Variants in CNGB3 observed in about 807,000 individuals in gnomAD.
CNGB3 encodes cyclic nucleotide-gated channel beta-3.
A neutral mutation model predicts 92.8 loss-of-function variants in CNGB3; 86 were observed. That is an observed-to-expected ratio of 0.93 (90% confidence interval 0.78 to 1.11). CNGB3 has a LOEUF of 1.11. CNGB3 is among the 50% of genes least tolerant of loss of function. CNGB3 has a pLI of 0.00. For missense variants in CNGB3, 1,026 were observed against 956.8 expected, an observed-to-expected ratio of 1.07 and a Z score of -0.95; for synonymous variants, 333 against 332.7, an observed-to-expected ratio of 1.00 and a Z score of -0.01.
chr8:86,712,007 G>C (rs1467047637), intron 3 of CNGB3, among the ~76,000 whole-genome samples: 4 of 151,712 alleles, frequency 2.6e-5, no homozygotes, highest in Non-Finnish European at 5.9e-5. Flanking sequence ...CTGATATATT[G>C]GTTACTTTAG....
intron 6 of CNGB3, among the ~76,000 whole-genome samples, chr8:86,664,245 CAAT>C (rs1362117116): frequency 2.0e-5 from 3 of 152,082 alleles, no homozygotes; most frequent in Non-Finnish European, 1.5e-5. Context: ...CAGAAAATGA[CAAT>C]TATTTTAAGG....
intron 14 of CNGB3, among the ~76,000 whole-genome samples, chr8:86,604,765 C>G (rs1175716515): frequency 6.6e-6 from 1 of 152,140 alleles, no homozygotes; most frequent in Non-Finnish European, 1.5e-5. Context: ...TTTGGGGACT[C>G]TTGGGACCAG....
intron 2 of CNGB3, among the ~76,000 whole-genome samples, chr8:86,728,361 A>G (rs1286100709): frequency 6.6e-6 from 1 of 151,852 alleles, no homozygotes; most frequent in Non-Finnish European, 1.5e-5. Flanking sequence ...AGTAAAAAAA[A>G]TTGCACTTTC....
At chr8:86,738,840 CAAA>C (rs773191598) in intron 2 of CNGB3, among the ~76,000 whole-genome samples, 4 of 121,036 alleles carry the variant, frequency 3.3e-5, no homozygotes, top group Non-Finnish European at 5.1e-5. Flanking sequence ...GACTCCGTCT[CAAA>C]AAAAAAAAAA....
rs1821639827 is a variant in CNGB3, at chr8:86,575,437, A to C, written c.*367T>G. ...CTTTAGAGTGCCAAAGAAGAAATTA[A>C]ACACAATAAAAATTAAGAGAAAAGG... On this transcript the variant is annotated 3_prime_UTR_variant, in exon 18 of 18. Transcript: ENST00000320005. The C allele has an allele frequency of 5.6e-6, 1 of 179,914 alleles. No homozygotes were observed. Among genetic ancestry groups the C allele is most frequent in the Admixed American group, 5.9e-5 (1 of 16,882 alleles). The allele number at this position is 179,914 out of a possible 1,614,324, so 11.1% of individuals were successfully genotyped here.
At chr8:86,692,972 T>C (rs1034576544) in intron 3 of CNGB3, among the ~76,000 whole-genome samples, 2 of 152,188 alleles carry the variant, frequency 1.3e-5, no homozygotes, top group African/African-American at 4.8e-5. Flanking sequence ...GACTATATCT[T>C]TCCTTCATTT....
chr8:86,721,888 C>T (rs942220523), intron 3 of CNGB3, among the ~76,000 whole-genome samples: 12 of 152,124 alleles, frequency 7.9e-5, no homozygotes, highest in African/African-American at 2.2e-4. Flanking sequence ...AGACAATAAA[C>T]GTCAGTGTTT....
intron 2 of CNGB3, among the ~76,000 whole-genome samples, chr8:86,737,026 G>A (rs1170738633): frequency 7.2e-5 from 11 of 151,824 alleles, no homozygotes; most frequent in Non-Finnish European, 1.2e-4. Context: ...CTTTCTCCTC[G>A]GATAAGTCAA....
At chr8:86,637,425 T>C (rs1472281872) in intron 10 of CNGB3, among the ~76,000 whole-genome samples, 1 of 152,152 alleles carries the variant, frequency 6.6e-6, no homozygotes, top group African/African-American at 2.4e-5. Flanking sequence ...TTGCTCAAAA[T>C]TACTTTAGCT....
intron 3 of CNGB3, among the ~76,000 whole-genome samples, chr8:86,679,661 G>T (rs1157820695): frequency 6.6e-6 from 1 of 152,128 alleles, no homozygotes; most frequent in East Asian, 1.9e-4. Context: ...AAGTAGCTGG[G>T]ATTACAGTTG....
chr8:86,648,115 T>C (rs1275614133), intron 7 of CNGB3, among the ~76,000 whole-genome samples: 1 of 151,214 alleles, frequency 6.6e-6, no homozygotes, highest in Non-Finnish European at 1.5e-5. Context: ...TCCATGCATC[T>C]GATCTCTCCT....
At chr8:86,680,631 A>G (rs1010380447) in intron 3 of CNGB3, among the ~76,000 whole-genome samples, 2 of 152,208 alleles carry the variant, frequency 1.3e-5, no homozygotes, top group African/African-American at 2.4e-5. Context: ...GCAGAGCTGT[A>G]TCTTAGCAGG....
chr8:86,679,119 T>G (rs1478441200), intron 3 of CNGB3, among the ~76,000 whole-genome samples: 1 of 152,140 alleles, frequency 6.6e-6, no homozygotes, highest in Non-Finnish European at 1.5e-5. Context: ...GAGGTGCATT[T>G]TGAACATCTC....
chr8:86,663,722 CA>C (rs535661927), intron 6 of CNGB3, among the ~76,000 whole-genome samples: 1 of 152,094 alleles, frequency 6.6e-6, no homozygotes, highest in Non-Finnish European at 1.5e-5. Flanking sequence ...GTCTTCTTAC[CA>C]AAATGTAATC....
rs192225823 is a variant in CNGB3, at chr8:86,621,137, G to A, written c.1578+4846C>T. Among the ~76,000 whole-genome samples, 12 of 152,306 alleles carry A rather than the reference G, an allele frequency of 7.9e-5. No individual in the cohort carries two copies. The East Asian group carries it at 2.3e-3, about 29-fold the overall frequency. On this transcript the variant is annotated intron_variant, in intron 13 of 17. Transcript: ENST00000320005. Reference sequence around the variant, plus strand: ...CAAAAAACTGATATCTTCTCAAATAGGAGATGATCCCATAAAAGTCATTGG... The same window carrying A: ...CAAAAAACTGATATCTTCTCAAATAAGAGATGATCCCATAAAAGTCATTGG...
chr8:86,617,439 C>A lies in CNGB3; in HGVS notation c.1579-5768G>T, dbSNP rs538111697. ...AGACGTGCTTTGTTCTACCTTAAAC[C>A]CCATTCTCATTAAACAAGTAAGTTA... On this transcript the variant is annotated intron_variant, in intron 13 of 17. Coordinates refer to ENST00000320005, the MANE Select transcript of CNGB3 (RefSeq NM_019098.5). Among the ~76,000 whole-genome samples the A allele has an allele frequency of 2.0e-5, 3 of 152,230 alleles. No homozygotes were observed. In the South Asian group the frequency reaches 6.2e-4, roughly 32 times the overall value.
intron 17 of CNGB3, 119 bp downstream of exon 17, chr8:86,578,570 G>A: frequency 1.1e-6 from 1 of 930,400 alleles, no homozygotes; most frequent in Non-Finnish European, 1.8e-6. Context: ...GGAAGTATTA[G>A]TATTAGATTA....
chr8:86,680,872 G>A (rs1205555209), intron 3 of CNGB3, among the ~76,000 whole-genome samples: 1 of 152,048 alleles, frequency 6.6e-6, no homozygotes, highest in East Asian at 1.9e-4. Flanking sequence ...TTGTCTGTAG[G>A]AAGTTTAAAA....
At chr8:86,595,680 T>C (rs1437759219) in intron 15 of CNGB3, among the ~76,000 whole-genome samples, 3 of 152,208 alleles carry the variant, frequency 2.0e-5, no homozygotes, top group Non-Finnish European at 4.4e-5. Flanking sequence ...ATCTACTATT[T>C]CTACTTTTTA....
Sources: allele counts gnomAD v4.1 joint callset (sites outside exome capture counted in the v4.1 genomes callset), GRCh38; gene constraint gnomAD v4.1.1; transcripts MANE v1.5; gene names NCBI Gene and HGNC (gene_info 2026-07-23, HGNC 2026-07-21).